GNAI2: variants seen among roughly 807,000 people sequenced by gnomAD.
GNAI2 encodes guanine nucleotide-binding protein G(i) subunit alpha-2.
A neutral mutation model predicts 36.8 loss-of-function variants in GNAI2; 4 were observed. The observed-to-expected ratio is 0.11, with a 90% CI of 0.05 to 0.25. The LOEUF (loss-of-function observed/expected upper bound fraction) is 0.25. Ranked by LOEUF, GNAI2 falls within the 10% of genes least tolerant of loss-of-function variation. GNAI2 has a pLI of 1.00. For missense variants in GNAI2, 230 were observed against 481.3 expected (o/e 0.48, Z 4.89); for synonymous variants, 194 against 194.1 (o/e 1.00, Z 0.01).
In GNAI2 at chr3:50,252,516, A is replaced by C; in HGVS notation, c.281A>C (p.Asp94Ala). ...IVKAMGNLQI[D>A]FADPSRADDA... Reference sequence around the variant, plus strand: ...AAAGCCATGGGCAACCTGCAGATCGACTTTGCCGACCCCTCCAGAGCGGTA... The same window carrying C: ...AAAGCCATGGGCAACCTGCAGATCGCCTTTGCCGACCCCTCCAGAGCGGTA... The change falls in exon 3 of 9, where the codon GAC (aspartate) becomes GCC (alanine). Residue 94 changes from aspartate (D) to alanine (A), a missense_variant. By Grantham distance (126) the Asp-to-Ala change is moderately radical (BLOSUM62 -2). Around this residue, in one of 4 missense-constraint regions of GNAI2, gnomAD observed 132 missense variants for 247.4 expected, o/e 0.53. Transcript: ENST00000313601. The surrounding 1 kb of genome is among the most constrained non-coding windows in gnomAD (Gnocchi z 4.1). 6.2e-7 allele frequency: 1 copy of C among 1,613,516 alleles called. No individual in the cohort carries two copies. The highest frequency in any genetic ancestry group is 8.5e-7 in the Non-Finnish European group (1 of 1,179,824).
chr3:50,251,952 G>A, intron 1 of GNAI2, 148 bp from the exon 2 acceptor site: 1 of 891,074 alleles, frequency 1.1e-6, no homozygotes, highest in African/African-American at 1.7e-5. Flanking sequence ...TAGCTCAACT[G>A]CCCACCAGGC....
rs1553703484 is a variant in GNAI2, at chr3:50,257,607, G to A, written c.985G>A (p.Asp329Asn). The A allele has an allele frequency of 3.7e-6, 6 of 1,610,960 alleles. No homozygotes were observed. Among genetic ancestry groups the A allele is most frequent in the Admixed American group, 3.4e-5 (2 of 59,676 alleles). The change falls in exon 8 of 9, where the codon GAC (aspartate) becomes AAC (asparagine). Residue 329 changes from aspartate to asparagine, a missense_variant. By Grantham distance (23) the Asp-to-Asn change is conservative (BLOSUM62 1). Around this residue, in one of 4 missense-constraint regions of GNAI2, gnomAD observed 17 missense variants for 48.5 expected, o/e 0.35. Coordinates refer to ENST00000313601, the MANE Select transcript of GNAI2 (RefSeq NM_002070.4). ...EIYTHFTCAT[D>N]TKNVQFVFDA... ...CTACACGCACTTCACGTGCGCCACC[G>A]ACACCAAGAACGTGCAGTTCGTGTT... is the stretch of plus-strand genomic sequence containing the variant.
chr3:50,239,219 C>T (rs1471995561), intron 1 of GNAI2, among the ~76,000 whole-genome samples: 1 of 151,902 alleles, frequency 6.6e-6, no homozygotes, highest in Non-Finnish European at 1.5e-5. Flanking sequence ...TGGACAGCTT[C>T]ACAAAAAAAG....
chr3:50,241,334 C>G lies in GNAI2; in HGVS notation c.118+4881C>G, dbSNP rs1251007595. 3.9e-5 allele frequency among the ~76,000 whole-genome samples: 6 copies of G among 152,198 alleles called. No individual in the cohort carries two copies. Among genetic ancestry groups the G allele is most frequent in the African/African-American group, 1.4e-4 (6 of 41,442 alleles). ...GAGTCTCTTCTTCCCACCCCTCCCC[C>G]AGGCTTGTCGGGGCTTTGTCTGCAG... On this transcript the variant is annotated intron_variant, in intron 1 of 8. Transcript: ENST00000313601. The surrounding 1 kb of genome is among the most constrained non-coding windows in gnomAD (Gnocchi z 5.0).
At chr3:50,239,500 C>T (rs1447695369) in intron 1 of GNAI2, 1 of 152,206 alleles carries the variant, frequency 6.6e-6, no homozygotes, top group Non-Finnish European at 1.5e-5. Context: ...AGCATGGAGC[C>T]TGGCATCTAC....
chr3:50,254,428 C>T (rs1432553931), intron 4 of GNAI2, among the ~76,000 whole-genome samples: 5 of 152,118 alleles, frequency 3.3e-5, no homozygotes, highest in Non-Finnish European at 5.9e-5. Flanking sequence ...TGGATTTCAG[C>T]AAGGGTGGGT....
chr3:50,238,558 C>A lies in GNAI2; in HGVS notation c.118+2105C>A, dbSNP rs1479038559. ...TTGCTTACTCTGTGAAATGGGCTTC[C>A]TGGGTTTTGGCCAAAGGAGTGCCCC... is the stretch of plus-strand genomic sequence containing the variant. On this transcript the variant is annotated intron_variant, in intron 1 of 8. Coordinates refer to ENST00000313601, the MANE Select transcript of GNAI2 (RefSeq NM_002070.4). This position sits in a 1 kb window ranked among gnomAD's most constrained non-coding sequence, Gnocchi z 5.0. 3.9e-5 allele frequency: 6 copies of A among 152,268 alleles called. No homozygotes were observed. The highest frequency in any genetic ancestry group is 3.9e-4 in the Admixed American group (6 of 15,286). The allele number at this position is 152,268 out of a possible 1,614,324, so 9.4% of individuals were successfully genotyped here.
upstream of GNAI2, among the ~76,000 whole-genome samples, chr3:50,228,800 A>C (rs1474739975): frequency 6.6e-6 from 1 of 152,138 alleles, no homozygotes. Context: ...CAACAGCCTG[A>C]AGTCACTCCT....
chr3:50,237,606 G>A (rs782316993), intron 1 of GNAI2, among the ~76,000 whole-genome samples: 30 of 152,134 alleles, frequency 2.0e-4, no homozygotes, highest in Admixed American at 3.3e-4. Context: ...TGGACTAGCT[G>A]AATGAGGAGT....
chr3:50,238,481 T>A lies in GNAI2; in HGVS notation c.118+2028T>A, dbSNP rs1700232659. On this transcript the variant is annotated intron_variant, in intron 1 of 8. Coordinates refer to ENST00000313601, the MANE Select transcript of GNAI2 (RefSeq NM_002070.4). This position sits in a 1 kb window ranked among gnomAD's most constrained non-coding sequence, Gnocchi z 5.0. ...AGCAGCCAGGGGTGCAGGGTCTGGC[T>A]TAGCACTTTCTAGCCTGGGAAGTTC... 6.6e-6 allele frequency: 1 copy of A among 152,346 alleles called. No individual in the cohort carries two copies. The highest frequency in any genetic ancestry group is 2.4e-5 in the African/African-American group (1 of 41,460). 9.4% of individuals were successfully genotyped at this position (152,346 alleles called of 1,614,324 possible).
upstream of GNAI2, among the ~76,000 whole-genome samples, chr3:50,227,988 G>T (rs74400741): frequency 5.2e-3 from 796 of 152,268 alleles, 7 homozygotes; most frequent in African/African-American, 0.018. This position sits in a 1 kb window ranked among gnomAD's most constrained non-coding sequence, Gnocchi z 5.9. Context: ...CCTTTAGACC[G>T]ATCTTTAGGT....
rs1407870125 is a variant in GNAI2 at position 50,255,649 on chromosome 3, A to G, written c.465-543A>G. 6.6e-6 allele frequency among the ~76,000 whole-genome samples: 1 copy of G among 152,142 alleles called. No individual in the cohort carries two copies. The highest frequency in any genetic ancestry group is 2.1e-4 in the South Asian group (1 of 4,834). ...AGCTTGGCTGGCTAGCTGTCCACAG[A>G]GCTGCACCTCCTCCCATTCCCATTC... On this transcript the variant is annotated intron_variant, in intron 4 of 8. Transcript: ENST00000313601. This position sits in a 1 kb window ranked among gnomAD's most constrained non-coding sequence, Gnocchi z 4.0.
Position 50,236,289 on chromosome 3 carries a change from G to A in GNAI2, c.-47G>A. On this transcript the variant is annotated 5_prime_UTR_variant, in exon 1 of 9. In the 5' UTR this introduces an upstream ATG that the reference lacks. Transcript: ENST00000313601. The surrounding 1 kb of genome is among the most constrained non-coding windows in gnomAD (Gnocchi z 4.0). Reference sequence around the variant, plus strand: ...GGGTCGGGCGGGGCCGAGCCGGGCCGTGGGCCGTGTGGGGGCCGGGCGGCG... The same window carrying A: ...GGGTCGGGCGGGGCCGAGCCGGGCCATGGGCCGTGTGGGGGCCGGGCGGCG... 1 of 1,300,256 alleles carries A rather than the reference G, an allele frequency of 7.7e-7. No individual in the cohort carries two copies. The highest frequency in any genetic ancestry group is 2.4e-4 in the Middle Eastern group (1 of 4,148). The allele number at this position is 1,300,256 out of a possible 1,614,324, so 80.5% of individuals were successfully genotyped here.
chr3:50,244,259 C>T (rs1239458140), intron 1 of GNAI2, among the ~76,000 whole-genome samples: 3 of 152,100 alleles, frequency 2.0e-5, no homozygotes, highest in African/African-American at 4.8e-5. Context: ...GAACTCCTGA[C>T]CTCAAGTGAT....
In GNAI2 at chr3:50,236,241, A is replaced by G. The variant is rs1700163487; in HGVS notation, c.-95A>G. ...CTGCCGACCCGAGTGCTTCCCGCAG[A>G]GGGCTGGTGGTGGGAGCGGAGTGGG... On this transcript the variant is annotated 5_prime_UTR_variant, in exon 1 of 9. Coordinates refer to ENST00000313601, the MANE Select transcript of GNAI2 (RefSeq NM_002070.4). The surrounding 1 kb of genome is among the most constrained non-coding windows in gnomAD (Gnocchi z 4.0). The G allele has an allele frequency of 3.3e-6, 4 of 1,196,016 alleles. No homozygotes were observed. Among genetic ancestry groups the G allele is most frequent in the South Asian group, 4.1e-5 (1 of 24,684 alleles). The allele number at this position is 1,196,016 out of a possible 1,614,324, so 74.1% of individuals were successfully genotyped here.
chr3:50,241,425 T>A lies in GNAI2; in HGVS notation c.118+4972T>A, dbSNP rs1553701127. ...GGGGTCCAAGCTATAGCTGACCCCC[T>A]CTGCCTGCATCCTGCCCAGTTCTGC... On this transcript the variant is annotated intron_variant, in intron 1 of 8. Coordinates refer to ENST00000313601, the MANE Select transcript of GNAI2 (RefSeq NM_002070.4). The surrounding 1 kb of genome is among the most constrained non-coding windows in gnomAD (Gnocchi z 5.0). Among the ~76,000 whole-genome samples, 1 of 152,180 alleles carries A rather than the reference T, an allele frequency of 6.6e-6. No individual in the cohort carries two copies. Among genetic ancestry groups the A allele is most frequent in the African/African-American group, 2.4e-5 (1 of 41,442 alleles).
In GNAI2 at chr3:50,241,324, AC is replaced by A. The variant is rs1187676824; in HGVS notation, c.118+4875del. Among the ~76,000 whole-genome samples the A allele has an allele frequency of 1.3e-5, 2 of 151,586 alleles. No homozygotes were observed. The highest frequency in any genetic ancestry group is 2.9e-5 in the Non-Finnish European group (2 of 67,854). ...TTGGGCCTCTGAGTCTCTTCTTCCC[AC>A]CCCTCCCCCAGGCTTGTCGGGGCTT... On this transcript the variant is annotated intron_variant, in intron 1 of 8. Transcript: ENST00000313601. The surrounding 1 kb of genome is among the most constrained non-coding windows in gnomAD (Gnocchi z 5.0).
intron 1 of GNAI2, among the ~76,000 whole-genome samples, chr3:50,249,553 C>T (rs1287747859): frequency 2.0e-5 from 3 of 152,194 alleles, no homozygotes; most frequent in African/African-American, 7.2e-5. Flanking sequence ...CTGTAGTGCC[C>T]AGGGGCTAAA....
intron 1 of GNAI2, among the ~76,000 whole-genome samples, chr3:50,247,973 G>A (rs890500038): frequency 2.6e-5 from 4 of 152,244 alleles, no homozygotes; most frequent in African/African-American, 9.6e-5. Context: ...GGTGGCTCAC[G>A]CCTGTAATCC....
Sources: gnomAD v4.1 joint callset for allele counts (sites outside exome capture counted in the v4.1 genomes callset) on GRCh38, gnomAD v4.1.1 for gene constraint, gnomAD v4.1.1 regional missense constraint, Gnocchi (gnomAD v3.1) non-coding constraint, MANE v1.5 for transcripts, NCBI Gene and HGNC (gene_info 2026-07-23, HGNC 2026-07-21) for gene names.